Variants in MTAP observed in about 807,000 individuals in gnomAD.
The protein encoded by MTAP is methylthioadenosine phosphorylase.
In MTAP, 33 loss-of-function variants were observed where a neutral mutation model predicts 33.6. The ratio of observed to expected loss-of-function variants is 0.98; its 90% CI spans 0.74 to 1.31. The LOEUF is 1.31. Among genes scored for constraint, MTAP ranks in the 40% most tolerant of loss-of-function variants. MTAP has a pLI of 0.00. For missense variants in MTAP, 367 were observed against 360.0 expected (o/e 1.02, Z -0.16); for synonymous variants, 148 against 125.7 (o/e 1.18, Z -1.19).
intron 1 of MTAP, among the ~76,000 whole-genome samples, chr9:21,872,991 T>C (rs1022796867): frequency 3.9e-5 from 6 of 152,168 alleles, no homozygotes; most frequent in African/African-American, 1.4e-4. Flanking sequence ...AGGGAATGAA[T>C]GTTTACAAAT....
At chr9:21,814,207 T>G (rs560439297) in intron 1 of MTAP, among the ~76,000 whole-genome samples, 9 of 152,320 alleles carry the variant, frequency 5.9e-5, no homozygotes, top group South Asian at 2.1e-4. Flanking sequence ...GTTGCTTTTT[T>G]TGTGTGTGTG....
chr9:21,903,159 G>A (rs1818419336), intron 1 of MTAP, among the ~76,000 whole-genome samples: 1 of 152,100 alleles, frequency 6.6e-6, no homozygotes, highest in African/African-American at 2.4e-5. Context: ...TTTGTTAGAT[G>A]ACTTCAATTG....
chr9:21,881,269 A>C (rs1006782720), intron 1 of MTAP, among the ~76,000 whole-genome samples: 4 of 152,072 alleles, frequency 2.6e-5, no homozygotes, highest in Non-Finnish European at 4.4e-5. Flanking sequence ...ATGGATTAAT[A>C]ACTTAAACAC....
intron 4 of MTAP, among the ~76,000 whole-genome samples, chr9:21,834,658 C>T (rs933810202): frequency 9.2e-5 from 14 of 152,212 alleles, no homozygotes; most frequent in African/African-American, 3.4e-4. Flanking sequence ...CTTCTGCCTC[C>T]GTCTTCCACA....
chr9:21,882,292 T>C (rs187019388), intron 1 of MTAP, among the ~76,000 whole-genome samples: 1 of 152,132 alleles, frequency 6.6e-6, no homozygotes, highest in African/African-American at 2.4e-5. Context: ...GTTTGCATGC[T>C]ACCCCTGTTG....
intron 5 of MTAP, among the ~76,000 whole-genome samples, chr9:21,840,718 G>C (rs1483986693): frequency 6.6e-6 from 1 of 152,210 alleles, no homozygotes; most frequent in African/African-American, 2.4e-5. Context: ...AATGAAATCA[G>C]TAGTGGTTTC....
chr9:21,896,210 C>A (rs1013468463), intron 1 of MTAP, among the ~76,000 whole-genome samples: 2 of 152,030 alleles, frequency 1.3e-5, no homozygotes, highest in African/African-American at 2.4e-5. Context: ...CCTTTGAAAC[C>A]AATGAGAAAA....
At chr9:21,883,209 A>AAGGG (rs1387570459) in intron 1 of MTAP, among the ~76,000 whole-genome samples, 2 of 152,064 alleles carry the variant, frequency 1.3e-5, no homozygotes, top group African/African-American at 4.8e-5. Context: ...TCAATTAGAA[A>AAGGG]AGGGAGTAAA....
intron 4 of MTAP, among the ~76,000 whole-genome samples, chr9:21,829,629 GAA>G (rs112204383): frequency 1.4e-5 from 2 of 142,334 alleles, no homozygotes; most frequent in Non-Finnish European, 3.1e-5. Flanking sequence ...CGTTGTCTCA[GAA>G]AAAAAAAAAA....
intron 1 of MTAP, 198 bp downstream of exon 1, chr9:21,802,979 ACCG>A (rs1824094285): frequency 3.1e-6 from 2 of 652,706 alleles, no homozygotes; most frequent in Non-Finnish European, 4.1e-6. Flanking sequence ...CCCCTGCCGC[ACCG>A]CCAACACACA....
At chr9:21,804,111 T>C (rs1405391738) in intron 1 of MTAP, among the ~76,000 whole-genome samples, 1 of 152,208 alleles carries the variant, frequency 6.6e-6, no homozygotes, top group East Asian at 1.9e-4. Context: ...ATCTATAAAC[T>C]GAGAATTTTA....
intron 1 of MTAP, among the ~76,000 whole-genome samples, chr9:21,901,031 G>T (rs2118799667): frequency 6.6e-6 from 1 of 152,316 alleles, no homozygotes; most frequent in South Asian, 2.1e-4. Flanking sequence ...TGCAGAGTGA[G>T]AGGAGAGTTA....
At chr9:21,825,576 G>A (rs1189622788) in intron 4 of MTAP, among the ~76,000 whole-genome samples, 2 of 152,156 alleles carry the variant, frequency 1.3e-5, no homozygotes, top group Non-Finnish European at 2.9e-5. Context: ...AGTGGTTCAC[G>A]CCTGTAATCC....
chr9:21,816,494 C>T (rs1400244918), intron 2 of MTAP, among the ~76,000 whole-genome samples: 2 of 152,210 alleles, frequency 1.3e-5, no homozygotes, highest in African/African-American at 2.4e-5. Context: ...GGTACCTACA[C>T]AGGTGCCCAT....
At position 21,854,929 on chromosome 9, in the gene MTAP, T is replaced by A; in HGVS notation, c.690+59T>A. ...TGGGTTTCTGGGTGCCAATAGGGTG[T>A]CTTAACTGTTTGTTTCTATTACGTT... On this transcript the variant is annotated intron_variant, in intron 6 of 7. Coordinates refer to ENST00000644715, the MANE Select transcript of MTAP (RefSeq NM_002451.4). The A allele has an allele frequency of 5.1e-6, 8 of 1,572,678 alleles. No homozygotes were observed. The South Asian group carries it at 7.1e-5, about 14-fold the overall frequency.
intron 1 of MTAP, among the ~76,000 whole-genome samples, chr9:21,927,856 C>G (rs1818894645): frequency 6.6e-6 from 1 of 152,178 alleles, no homozygotes; most frequent in Admixed American, 6.5e-5. Context: ...AAGGGGGATA[C>G]CTAACAGCTT....
chr9:21,822,604 C>G (rs1459996601), intron 4 of MTAP, among the ~76,000 whole-genome samples: 1 of 152,206 alleles, frequency 6.6e-6, no homozygotes, highest in African/African-American at 2.4e-5. Flanking sequence ...AATGTATATT[C>G]TGTTGATTTG....
Position 21,861,916 on chromosome 9 carries a change from A to G in MTAP, c.814-60A>G, listed in dbSNP as rs1034877529. 8.2e-6 allele frequency: 8 copies of G among 980,480 alleles called. No homozygotes were observed. In the African/African-American group the frequency reaches 1.3e-4, roughly 16 times the overall value. The allele number at this position is 980,480 out of a possible 1,614,324, so 60.7% of individuals were successfully genotyped here. ...AAATCAAAATCTGTTTTTTTTTTTA[A>G]CAAACATCTCAGTAATTACGCCAAC... On this transcript the variant is annotated intron_variant, in intron 7 of 7. Coordinates refer to ENST00000644715, the MANE Select transcript of MTAP (RefSeq NM_002451.4).
downstream of MTAP, among the ~76,000 whole-genome samples, chr9:21,869,060 A>G (rs895839025): frequency 2.0e-5 from 3 of 152,136 alleles, no homozygotes; most frequent in Non-Finnish European, 4.4e-5. Flanking sequence ...TACCCATTTC[A>G]TAATCATTTT....
Sources: gnomAD v4.1 joint callset for allele counts (sites outside exome capture counted in the v4.1 genomes callset) on GRCh38, gnomAD v4.1.1 for gene constraint, MANE v1.5 for transcripts, NCBI Gene and HGNC (gene_info 2026-07-23, HGNC 2026-07-21) for gene names.